The following MAMLD1 variants were observed in gnomAD, a reference collection of about 807,000 sequenced individuals.
MAMLD1 encodes the protein mastermind-like domain-containing protein 1.
MAMLD1 carries 14 observed loss-of-function variants against 45.0 expected under a neutral mutation model. The observed-to-expected ratio is 0.31, with a 90% CI of 0.21 to 0.49. The LOEUF (loss-of-function observed/expected upper bound fraction) is 0.49. Among genes scored for constraint, MAMLD1 ranks in the 20% least tolerant of loss-of-function variants. The pLI, the probability that MAMLD1 is intolerant of heterozygous loss-of-function variation, is 0.99. For missense variants in MAMLD1, 543 were observed against 603.6 expected (o/e 0.90, Z 1.05); for synonymous variants, 254 against 247.8 (o/e 1.02, Z -0.24).
At chrX:150,381,002 C>G (rs1445215757) in intron 1 of MAMLD1, among the ~76,000 whole-genome samples, 2 of 111,085 alleles carry the variant, frequency 1.8e-5, no homozygotes, top group Non-Finnish European at 3.8e-5. Flanking sequence ...GCACCCATCC[C>G]CTTCCCTTTT....
chrX:150,377,819 T>TCACACACA (rs3066915), intron 1 of MAMLD1, among the ~76,000 whole-genome samples: 4,517 of 91,754 alleles, frequency 0.049, 174 homozygotes, highest in African/African-American at 0.12. Context: ...TACCACCCCC[T>TCACACACA]CACACACACA....
chrX:150,504,329 T>C (rs782170094), intron 6 of MAMLD1: 3 of 749,666 alleles, frequency 4.0e-6, no homozygotes, highest in East Asian at 3.0e-4. Context: ...GACATGAACA[T>C]TTTCTAAGTG....
chrX:150,479,795 T>TCTA (rs1349442222), intron 5 of MAMLD1, among the ~76,000 whole-genome samples: 1 of 111,939 alleles, frequency 8.9e-6, no homozygotes, highest in Non-Finnish European at 1.9e-5. Context: ...GTGCTGTCGC[T>TCTA]CTACTACTAC....
Position 150,512,866 on chromosome X carries a change from A to G in MAMLD1, c.*907A>G. On this transcript the variant is annotated 3_prime_UTR_variant, in exon 8 of 8. Transcript: ENST00000370401. ...CTGCCGACTTTTTGCGCCAGCCCCA[A>G]CCCCCACTAAATGATCTGATTTCGT... The G allele has an allele frequency of 8.7e-7, 1 of 1,154,427 alleles. No homozygotes were observed. Among genetic ancestry groups the G allele is most frequent in the Non-Finnish European group, 1.1e-6 (1 of 872,307 alleles).
chrX:150,454,171 C>A (rs935702253), intron 2 of MAMLD1, among the ~76,000 whole-genome samples: 1 of 112,271 alleles, frequency 8.9e-6, no homozygotes, highest in Non-Finnish European at 1.9e-5. Flanking sequence ...AGTTGTCTAG[C>A]CTTAGGGCTG....
chrX:150,388,361 T>A (rs2033024509), intron 1 of MAMLD1, among the ~76,000 whole-genome samples: 1 of 111,893 alleles, frequency 8.9e-6, no homozygotes, highest in African/African-American at 3.2e-5. Context: ...ACTAACTTCA[T>A]AAAATGGATT....
At position 150,513,803 on chromosome X, in the gene MAMLD1, A is replaced by G. The variant is rs896615434; in HGVS notation, c.*1844A>G. 6.7e-6 allele frequency: 2 copies of G among 297,338 alleles called. No homozygotes were observed. Among genetic ancestry groups the G allele is most frequent in the Non-Finnish European group, 1.2e-5 (2 of 170,304 alleles). 24.5% of individuals were successfully genotyped at this position (297,338 alleles called of 1,213,427 possible). ...GCTAGAGTATCCTCCTCCCTTTACC[A>G]TTCAGACCGAGAGAAAAAGCCCAGC... On this transcript the variant is annotated 3_prime_UTR_variant, in exon 8 of 8. Coordinates refer to ENST00000370401, the MANE Select transcript of MAMLD1 (RefSeq NM_005491.5).
In MAMLD1 at chrX:150,405,801, G is replaced by A. The variant is rs782161486; in HGVS notation, c.-63-39653G>A. ...CCTTACAGAGGCCCCCTGCTGGACA[G>A]AGGCCTTTGTGCTGGGCATTCTGAG... On this transcript the variant is annotated intron_variant, in intron 1 of 7. Coordinates refer to ENST00000370401, the MANE Select transcript of MAMLD1 (RefSeq NM_005491.5). Among the ~76,000 whole-genome samples the A allele has an allele frequency of 2.7e-3, 305 of 111,362 alleles. 3 individuals are homozygous for A. Among genetic ancestry groups the A allele is most frequent in the African/African-American group, 9.6e-3 (293 of 30,598 alleles).
chrX:150,380,908 C>T (rs1300878758), intron 1 of MAMLD1, among the ~76,000 whole-genome samples: 1 of 108,994 alleles, frequency 9.2e-6, no homozygotes, highest in African/African-American at 3.4e-5. Context: ...TGCTATGTTG[C>T]TCAGGCTGGT....
At chrX:150,396,538 G>C (rs2033427630) in intron 1 of MAMLD1, among the ~76,000 whole-genome samples, 1 of 111,105 alleles carries the variant, frequency 9.0e-6, no homozygotes, top group Admixed American at 9.6e-5. Flanking sequence ...CGTGGTCTGA[G>C]AGCAGACATT....
chrX:150,368,969 G>A (rs2031745105), intron 1 of MAMLD1, among the ~76,000 whole-genome samples: 2 of 111,892 alleles, frequency 1.8e-5, no homozygotes, highest in Non-Finnish European at 3.8e-5. Flanking sequence ...CTGTAGCCTT[G>A]TAGTATAGTT....
intron 1 of MAMLD1, among the ~76,000 whole-genome samples, chrX:150,373,499 C>T (rs2032144523): frequency 9.0e-6 from 1 of 111,565 alleles, no homozygotes; most frequent in Non-Finnish European, 1.9e-5. Context: ...CAGGTACACA[C>T]ACACAGACAC....
At position 150,512,845 on chromosome X, in the gene MAMLD1, C is replaced by T. The variant is rs1483872157; in HGVS notation, c.*886C>T. 1.2e-5 allele frequency: 14 copies of T among 1,154,189 alleles called. No individual in the cohort carries two copies. In the East Asian group the frequency reaches 1.6e-4, roughly 13 times the overall value. On this transcript the variant is annotated 3_prime_UTR_variant, in exon 8 of 8. Transcript: ENST00000370401. ...ATATTCCCCCTGAGCTGCCACCTGC[C>T]GACTTTTTGCGCCAGCCCCAACCCC...
intron 1 of MAMLD1, among the ~76,000 whole-genome samples, chrX:150,384,762 T>C (rs1026192919): frequency 8.9e-6 from 1 of 112,319 alleles, no homozygotes; most frequent in Non-Finnish European, 1.9e-5. Flanking sequence ...TTTAGATTTA[T>C]CTTCCATTTT....
chrX:150,508,249 C>A (rs1257969119), intron 6 of MAMLD1, among the ~76,000 whole-genome samples: 4 of 112,456 alleles, frequency 3.6e-5, no homozygotes, highest in Non-Finnish European at 5.6e-5. Context: ...GGTCATGTGA[C>A]CCCCATGCTC....
rs782567964 is a variant in MAMLD1 at position 150,470,483 on chromosome X, G to T, written c.910G>T (p.Ala304Ser). The change falls in exon 4 of 8, where the codon GCC becomes TCC. Residue 304 changes from alanine (A) to serine (S), a missense_variant. Coordinates refer to ENST00000370401, the MANE Select transcript of MAMLD1 (RefSeq NM_005491.5). ...CTTACCAGTGCCTCAGTGGCATCAC[G>T]CCCACCAGCTGAAGGCGTTGGCAGC... ...PPLPVPQWHH[A>S]HQLKALAASK... 1 of 1,209,955 alleles carries T rather than the reference G, an allele frequency of 8.3e-7. No homozygotes were observed. Among genetic ancestry groups the T allele is most frequent in the African/African-American group, 1.8e-5 (1 of 57,094 alleles).
rs2033910675 is a variant in MAMLD1 at position 150,403,960 on chromosome X, G to GAAAGAAAGAAAGAAAGAAAGAAAGAA, written c.-64+40432_-64+40457dup. ...GAAAGAAAAGAAAGAAAGAAAGAAA[G>GAAAGAAAGAAAGAAAGAAAGAAAGAA]AAAGAAAGAAAGAAAGAAAGAAAGA... On this transcript the variant is annotated intron_variant, in intron 1 of 7. Coordinates refer to ENST00000370401, the MANE Select transcript of MAMLD1 (RefSeq NM_005491.5). 3.1e-3 allele frequency among the ~76,000 whole-genome samples: 248 copies of GAAAGAAAGAAAGAAAGAAAGAAAGAA among 81,015 alleles called. 1 individual carries two copies. Among genetic ancestry groups the GAAAGAAAGAAAGAAAGAAAGAAAGAA allele is most frequent in the East Asian group, 5.7e-3 (17 of 2,997 alleles). 70.4% of individuals were successfully genotyped at this position (81,015 alleles called of 115,157 possible).
At chrX:150,481,848 AAGAAAGAAAGAG>A (rs1557407194) in intron 5 of MAMLD1, among the ~76,000 whole-genome samples, 1 of 107,160 alleles carries the variant, frequency 9.3e-6, no homozygotes, top group African/African-American at 3.4e-5. Context: ...AAAAAAAAGA[AAGAAAGAAAGAG>A]AGAAAGAAAG....
At chrX:150,364,665 G>A (rs2124433935) in intron 1 of MAMLD1, among the ~76,000 whole-genome samples, 1 of 112,822 alleles carries the variant, frequency 8.9e-6, no homozygotes, top group African/African-American at 3.2e-5. Flanking sequence ...TGAACGTGCT[G>A]CTCACGGGTA....
Sources: allele counts gnomAD v4.1 joint callset (sites outside exome capture counted in the v4.1 genomes callset), GRCh38; gene constraint gnomAD v4.1.1; transcripts MANE v1.5; gene names NCBI Gene and HGNC (gene_info 2026-07-23, HGNC 2026-07-21).